The following INPP5B variants were observed in gnomAD, a reference collection of about 807,000 sequenced individuals.
INPP5B encodes type II inositol 1,4,5-trisphosphate 5-phosphatase.
In INPP5B, 90 loss-of-function variants were observed where a neutral mutation model predicts 118.5. The observed-to-expected ratio is 0.76, with a 90% CI of 0.64 to 0.90. The LOEUF (loss-of-function observed/expected upper bound fraction) is 0.90, where lower values mean the gene tolerates loss of function less well. Ranked by LOEUF, INPP5B falls within the 40% of genes least tolerant of loss-of-function variation. The pLI is 0.00. For missense variants in INPP5B, 984 were observed against 1,125.6 expected, an observed-to-expected ratio of 0.87 and a Z score of 1.80; for synonymous variants, 385 against 418.9, an observed-to-expected ratio of 0.92 and a Z score of 0.99.
At chr1:37,934,996 G>A (rs1311963004) in intron 6 of INPP5B, among the ~76,000 whole-genome samples, 3 of 150,892 alleles carry the variant, frequency 2.0e-5, no homozygotes, top group African/African-American at 7.3e-5. Context: ...TCAGGAGATC[G>A]AGACCATCCT....
At chr1:37,873,873 A>T in intron 18 of INPP5B, 120 bp downstream of exon 18, 2 of 676,088 alleles carry the variant, frequency 3.0e-6, no homozygotes, top group Non-Finnish European at 4.4e-6. Flanking sequence ...AGGGCTTTTT[A>T]AAAAGCCTCA....
chr1:37,906,315 C>T (rs951552322), intron 7 of INPP5B, among the ~76,000 whole-genome samples: 2 of 152,108 alleles, frequency 1.3e-5, no homozygotes, highest in Non-Finnish European at 2.9e-5. Flanking sequence ...AGAAATTTAC[C>T]CAACTTACAG....
In INPP5B at chr1:37,861,224, T is replaced by TTGCATA. The variant is rs1430795427; in HGVS notation, c.*1085_*1090dup. 1.3e-5 allele frequency: 2 copies of TTGCATA among 152,184 alleles called. No individual in the cohort carries two copies. The highest frequency in any genetic ancestry group is 4.8e-5 in the African/African-American group (2 of 41,442). 9.4% of individuals were successfully genotyped at this position (152,184 alleles called of 1,614,324 possible). A position where few individuals can be genotyped will look rare whatever the true frequency, so the allele number is the denominator to read the frequency against. ...ATCTGGGCAGGAACGGGGGTCGAGT[T>TTGCATA]TGCATATGCATATACACATCCTCAG... On this transcript the variant is annotated 3_prime_UTR_variant, in exon 24 of 24. Transcript: ENST00000373024.
rs1646107666 is a variant in INPP5B at position 37,946,246 on chromosome 1, G to A, written c.57+6C>T. 19 of 1,609,258 alleles carry A rather than the reference G, an allele frequency of 1.2e-5. No individual in the cohort carries two copies. The highest frequency in any genetic ancestry group is 1.4e-5 in the Non-Finnish European group (17 of 1,177,736). On this transcript the variant is annotated splice_donor_region_variant and intron_variant, in intron 2 of 23. Coordinates refer to ENST00000373024, the MANE Select transcript of INPP5B (RefSeq NM_005540.3). ...CTCAGGGCCGCAGTTAGCACAGGAA[G>A]GATATGATGACGCAGTATTCCCCCT...
intron 6 of INPP5B, among the ~76,000 whole-genome samples, chr1:37,937,855 C>A (rs192776128): frequency 0.011 from 1,679 of 151,600 alleles, 35 homozygotes; most frequent in African/African-American, 0.039. Flanking sequence ...GTAATCCTAG[C>A]TACTTGGGAG....
Position 37,889,545 on chromosome 1 carries a change from C to A in INPP5B, c.797+12G>T, listed in dbSNP as rs896916315. The A allele has an allele frequency of 1.2e-6, 2 of 1,604,370 alleles. No individual in the cohort carries two copies. Among genetic ancestry groups the A allele is most frequent in the Non-Finnish European group, 8.5e-7 (1 of 1,174,692 alleles). On this transcript the variant is annotated intron_variant, in intron 9 of 23. Coordinates refer to ENST00000373024, the MANE Select transcript of INPP5B (RefSeq NM_005540.3). ...TTCTGCTCTGAAAACATCCTAGAAC[C>A]CAGTTAGCTACCTGAAGTTCTGGAT... is the stretch of plus-strand genomic sequence containing the variant.
intron 14 of INPP5B, among the ~76,000 whole-genome samples, 174 bp from the exon 15 acceptor site, chr1:37,880,368 G>T (rs1488115069): frequency 2.0e-5 from 3 of 152,158 alleles, no homozygotes; most frequent in Non-Finnish European, 4.4e-5. Context: ...TGGACAAGCT[G>T]ACCACTCTTT....
At chr1:37,912,728 C>T (rs982328445) in intron 7 of INPP5B, among the ~76,000 whole-genome samples, 7 of 152,148 alleles carry the variant, frequency 4.6e-5, no homozygotes, top group Admixed American at 6.6e-5. Context: ...GGGCACCCTC[C>T]GATACTTTTA....
intron 19 of INPP5B, among the ~76,000 whole-genome samples, chr1:37,869,311 A>AT (rs1035315946): frequency 1.2e-4 from 18 of 146,948 alleles, no homozygotes; most frequent in South Asian, 4.4e-4. Context: ...TTTTTAATTG[A>AT]TTTTTTTTTT....
At chr1:37,895,190 G>A (rs1433032284) in intron 7 of INPP5B, among the ~76,000 whole-genome samples, 1 of 152,172 alleles carries the variant, frequency 6.6e-6, no homozygotes. Context: ...TTGCTGACAA[G>A]GATGCAGAGG....
Position 37,873,987 on chromosome 1 carries a change from C to A in INPP5B, c.1951+6G>T. 2 of 1,556,738 alleles carry A rather than the reference C, an allele frequency of 1.3e-6. No homozygotes were observed. The highest frequency in any genetic ancestry group is 2.3e-5 in the East Asian group (1 of 43,742). On this transcript the variant is annotated splice_donor_region_variant and intron_variant, in intron 18 of 23. Transcript: ENST00000373024. ...GATACCAGGAAGCTAGGAACAGAGG[C>A]CTTACCTGGCAGGAGGAAGCCTCTG... is the stretch of plus-strand genomic sequence containing the variant.
intron 5 of INPP5B, chr1:37,941,954 A>AT (rs1557732283): frequency 5.6e-4 from 16 of 28,704 alleles, no homozygotes; most frequent in African/African-American, 2.2e-3. Flanking sequence ...AAAAAAAAAA[A>AT]AAAAATATAT....
chr1:37,894,767 G>T (rs1023749058), intron 7 of INPP5B, among the ~76,000 whole-genome samples: 2 of 152,012 alleles, frequency 1.3e-5, no homozygotes, highest in African/African-American at 4.8e-5. Flanking sequence ...TGCCATGTTG[G>T]CCAGGCTGGT....
intron 19 of INPP5B, among the ~76,000 whole-genome samples, chr1:37,869,355 G>A (rs1424299864): frequency 6.6e-6 from 1 of 151,642 alleles, no homozygotes; most frequent in Non-Finnish European, 1.5e-5. Flanking sequence ...ATGCTGCCCA[G>A]GCTGGTCTTG....
rs759895009 is a variant in INPP5B at position 37,894,561 on chromosome 1, C to CT, written c.533-3108dup. On this transcript the variant is annotated intron_variant, in intron 7 of 23. Coordinates refer to ENST00000373024, the MANE Select transcript of INPP5B (RefSeq NM_005540.3). ...CCATGCGTCTATGTTTTTCTTTTTT[C>CT]TTTTTTTTTTTTTTTTTTGAGACAG... 8.1e-3 allele frequency among the ~76,000 whole-genome samples: 1,128 copies of CT among 138,982 alleles called. 5 individuals carry two copies. The highest frequency in any genetic ancestry group is 0.016 in the African/African-American group (606 of 37,760). The allele number at this position is 138,982 out of a possible 152,430, so 91.2% of individuals were successfully genotyped here. A position where few individuals can be genotyped will look rare whatever the true frequency, so the allele number is the denominator to read the frequency against.
chr1:37,897,178 G>C (rs1385291837), intron 7 of INPP5B, among the ~76,000 whole-genome samples: 7 of 148,652 alleles, frequency 4.7e-5, no homozygotes, highest in South Asian at 2.1e-4. Context: ...GCCTGGCCGC[G>C]CCTACTGGGA....
At chr1:37,868,329 A>T (rs1282583078) in intron 20 of INPP5B, among the ~76,000 whole-genome samples, 172 bp downstream of exon 20, 3 of 151,764 alleles carry the variant, frequency 2.0e-5, no homozygotes, top group African/African-American at 2.4e-5. Context: ...AAAAAAAAAA[A>T]AAAATAGCAG....
At position 37,931,979 on chromosome 1, in the gene INPP5B, T is replaced by TCTCCAG. The variant is rs1645495025; in HGVS notation, c.460_465dup (p.Leu154_Glu155dup). On this transcript the variant is annotated inframe_insertion, in exon 7 of 24. Transcript: ENST00000373024. Reference sequence around the variant, plus strand: ...GAGTTACAACCGCGCGGCGTTGGCATCTCCAGCTCCAGCTCTGCGCACCTA... The same window carrying TCTCCAG: ...GAGTTACAACCGCGCGGCGTTGGCATCTCCAGCTCCAGCTCCAGCTCTGCGCACCTA... 4 of 1,613,792 alleles carry TCTCCAG rather than the reference T, an allele frequency of 2.5e-6. No individual in the cohort carries two copies. Among genetic ancestry groups the TCTCCAG allele is most frequent in the South Asian group, 1.1e-5 (1 of 91,064 alleles).
intron 17 of INPP5B, 50 bp downstream of exon 17, chr1:37,875,556 C>G (rs747535557): frequency 4.8e-6 from 7 of 1,454,626 alleles, no homozygotes; most frequent in South Asian, 1.2e-5. Context: ...GCGTGAGCCA[C>G]TGCACCCGGC....
Sources: gnomAD v4.1 joint callset for allele counts (sites outside exome capture counted in the v4.1 genomes callset) on GRCh38, gnomAD v4.1.1 for gene constraint, MANE v1.5 for transcripts, NCBI Gene and HGNC (gene_info 2026-07-23, HGNC 2026-07-21) for gene names.